Variants in RBFOX1 observed in about 807,000 individuals in gnomAD.
The protein encoded by RBFOX1 is RNA binding protein fox-1 homolog 1.
In RBFOX1, 8 loss-of-function variants were observed where a neutral mutation model predicts 57.7. That is an observed-to-expected ratio of 0.14 (90% CI 0.08 to 0.25). The LOEUF (loss-of-function observed/expected upper bound fraction) is 0.25. Among genes scored for constraint, RBFOX1 ranks in the 10% least tolerant of loss-of-function variants. The pLI, the probability that RBFOX1 is intolerant of heterozygous loss-of-function variation, is 1.00. For synonymous variants in RBFOX1, 326 were observed against 222.4 expected, an observed-to-expected ratio of 1.47 and a Z score of -4.15; for missense variants, 611 against 548.5, an observed-to-expected ratio of 1.11 and a Z score of -1.14.
chr16:5,561,066 C>T (rs920176351), intron 2 of RBFOX1, among the ~76,000 whole-genome samples: 1 of 152,128 alleles, frequency 6.6e-6, no homozygotes, highest in African/African-American at 2.4e-5. Context: ...TTATCAATTC[C>T]CAAATGGATT....
At chr16:6,572,647 C>T (rs1471281880) in intron 2 of RBFOX1, among the ~76,000 whole-genome samples, 1 of 151,962 alleles carries the variant, frequency 6.6e-6, no homozygotes, top group Non-Finnish European at 1.5e-5. Flanking sequence ...GGCTGGAGTG[C>T]AGTGTCACTA....
At chr16:6,658,569 C>A (rs1053842802) in intron 3 of RBFOX1, among the ~76,000 whole-genome samples, 7 of 152,128 alleles carry the variant, frequency 4.6e-5, no homozygotes, top group Non-Finnish European at 1.5e-5. Context: ...ACAGTCTGGG[C>A]TCGATCTGAG....
At chr16:6,110,076 A>G (rs1031884213) in intron 1 of RBFOX1, among the ~76,000 whole-genome samples, 2 of 152,186 alleles carry the variant, frequency 1.3e-5, no homozygotes, top group Non-Finnish European at 2.9e-5. Flanking sequence ...CCAAGGATTT[A>G]AACAATTAAT....
intron 2 of RBFOX1, among the ~76,000 whole-genome samples, chr16:6,353,510 G>T (rs1026575624): frequency 6.6e-6 from 1 of 151,940 alleles, no homozygotes; most frequent in African/African-American, 2.4e-5. Context: ...CATGGTGCTG[G>T]GTTTAGGCAT....
At chr16:5,745,412 T>A (rs1567481400) in intron 3 of RBFOX1, among the ~76,000 whole-genome samples, 1 of 152,222 alleles carries the variant, frequency 6.6e-6, no homozygotes, top group Non-Finnish European at 1.5e-5. Context: ...TATGTGTGCA[T>A]GTGTCTTTAT....
chr16:5,972,806 C>A (rs1217358203), intron 4 of RBFOX1, among the ~76,000 whole-genome samples: 1 of 152,220 alleles, frequency 6.6e-6, no homozygotes. Context: ...TCCTGGGCAC[C>A]ATGCACCCTT....
intron 3 of RBFOX1, among the ~76,000 whole-genome samples, chr16:7,000,714 C>T (rs755425892): frequency 2.1e-5 from 3 of 145,876 alleles, no homozygotes; most frequent in African/African-American, 7.5e-5. Context: ...ATGCCATTCT[C>T]CTGCCTCAGC....
At chr16:6,049,925 C>T (rs2095535036) in intron 1 of RBFOX1, among the ~76,000 whole-genome samples, 1 of 149,094 alleles carries the variant, frequency 6.7e-6, no homozygotes, top group Non-Finnish European at 1.5e-5. Context: ...TTTAAAAGGC[C>T]ATTTTACTCT....
At chr16:6,121,468 A>G (rs2096548685) in intron 1 of RBFOX1, among the ~76,000 whole-genome samples, 1 of 152,198 alleles carries the variant, frequency 6.6e-6, no homozygotes, top group Admixed American at 6.5e-5. Context: ...ATCTCAGGCC[A>G]CTGCCCGTAC....
intron 3 of RBFOX1, among the ~76,000 whole-genome samples, chr16:6,742,240 G>A (rs1603488702): frequency 2.0e-5 from 3 of 152,092 alleles, no homozygotes; most frequent in Non-Finnish European, 2.9e-5. Flanking sequence ...AAAGAATTCG[G>A]CATTACTAGC....
Position 7,343,294 on chromosome 16 carries a change from C to T in RBFOX1, c.28-174853C>T, listed in dbSNP as rs77075793. Among the ~76,000 whole-genome samples, 1,202 of 152,254 alleles carry T rather than the reference C, an allele frequency of 7.9e-3. 50 individuals are homozygous for T. The East Asian group carries it at 0.092, about 12-fold the overall frequency. On this transcript the variant is annotated intron_variant, in intron 4 of 15. Transcript: ENST00000550418. Reference sequence around the variant, plus strand: ...GTAGCTCTGAGTCGCTTCGAAGTCCCGCTGCATCCAGATGTTCCCCCAAAG... The same window carrying T: ...GTAGCTCTGAGTCGCTTCGAAGTCCTGCTGCATCCAGATGTTCCCCCAAAG...
intron 4 of RBFOX1, among the ~76,000 whole-genome samples, chr16:7,184,296 C>G (rs1470750740): frequency 6.6e-6 from 1 of 152,116 alleles, no homozygotes; most frequent in Non-Finnish European, 1.5e-5. Flanking sequence ...GTGGAATGAC[C>G]TTAGAGGGAA....
chr16:7,352,498 C>A (rs139838526), intron 4 of RBFOX1, among the ~76,000 whole-genome samples: 1 of 152,132 alleles, frequency 6.6e-6, no homozygotes, highest in Non-Finnish European at 1.5e-5. Flanking sequence ...CACCACTAAA[C>A]GCTTACTCCG....
intron 1 of RBFOX1, among the ~76,000 whole-genome samples, chr16:6,237,941 A>C (rs2152920653): frequency 6.6e-6 from 1 of 151,896 alleles, no homozygotes; most frequent in South Asian, 2.1e-4. Context: ...AAGTACAAAA[A>C]TTAGCCGGGC....
At position 7,448,927 on chromosome 16, in the gene RBFOX1, G is replaced by GTTTTTTTTT. The variant is rs71147700; in HGVS notation, c.28-69209_28-69201dup. Among the ~76,000 whole-genome samples the GTTTTTTTTT allele has an allele frequency of 1.7e-3, 141 of 82,972 alleles. 11 individuals are homozygous for GTTTTTTTTT. Among genetic ancestry groups the GTTTTTTTTT allele is most frequent in the African/African-American group, 3.1e-3 (68 of 21,844 alleles). The allele number at this position is 82,972 out of a possible 152,430, so 54.4% of individuals were successfully genotyped here. The stretch of plus-strand genomic sequence containing the variant: ...CTTGGTAGACATTTTTCTTTCCCCT[G>GTTTTTTTTT]TTTTTTTTTTTTTTTTTTTGAGATG... On this transcript the variant is annotated intron_variant, in intron 4 of 15. Transcript: ENST00000550418.
chr16:7,512,070 T>TA (rs145342877), intron 4 of RBFOX1, among the ~76,000 whole-genome samples: 8,693 of 152,246 alleles, frequency 0.057, 290 homozygotes, highest in East Asian at 0.12. Context: ...ACTCTGCAGA[T>TA]ATCAGAAGCT....
chr16:5,734,401 C>T (rs1011812143), intron 3 of RBFOX1, among the ~76,000 whole-genome samples: 1 of 152,094 alleles, frequency 6.6e-6, no homozygotes, highest in Non-Finnish European at 1.5e-5. Flanking sequence ...GTACTCCAGC[C>T]TGGGCAAGAG....
chr16:5,604,252 T>C (rs78626278), downstream of RBFOX1, among the ~76,000 whole-genome samples: 4,680 of 152,334 alleles, frequency 0.031, 232 homozygotes, highest in African/African-American at 0.11. Flanking sequence ...ACAACACCTG[T>C]CTACCATCTT....
At chr16:6,207,161 C>G (rs966563450) in intron 1 of RBFOX1, among the ~76,000 whole-genome samples, 1 of 152,202 alleles carries the variant, frequency 6.6e-6, no homozygotes, top group Non-Finnish European at 1.5e-5. Context: ...AAAATTAACC[C>G]TGCTGCTGCT....
Sources: allele counts gnomAD v4.1 joint callset (sites outside exome capture counted in the v4.1 genomes callset), GRCh38; gene constraint gnomAD v4.1.1; transcripts MANE v1.5; gene names NCBI Gene and HGNC (gene_info 2026-07-23, HGNC 2026-07-21).